CFAP299: variants seen among roughly 807,000 people sequenced by gnomAD.
CFAP299 encodes the protein cilia and flagella associated protein 299.
In CFAP299, 21 loss-of-function variants were observed where a neutral mutation model predicts 27.0. The observed-to-expected ratio is 0.78, with a 90% confidence interval of 0.55 to 1.12. CFAP299 has a LOEUF of 1.12. CFAP299 is among the 50% of genes most tolerant of loss of function. The pLI, the probability that CFAP299 is intolerant of heterozygous loss-of-function variation, is 0.00. For synonymous variants in CFAP299, 104 were observed against 98.1 expected, an observed-to-expected ratio of 1.06 and a Z score of -0.36; for missense variants, 310 against 276.6, an observed-to-expected ratio of 1.12 and a Z score of -0.86.
chr4:80,934,919 T>C (rs1203719959), intron 4 of CFAP299, among the ~76,000 whole-genome samples: 1 of 152,036 alleles, frequency 6.6e-6, no homozygotes, highest in Non-Finnish European at 1.5e-5. Context: ...TTCTGCTAAC[T>C]CTGAGTTTAG....
At chr4:80,693,747 C>A (rs1479701287) in intron 3 of CFAP299, among the ~76,000 whole-genome samples, 1 of 151,334 alleles carries the variant, frequency 6.6e-6, no homozygotes, top group East Asian at 1.9e-4. Context: ...ACTGAGTGAT[C>A]TAAGCGTGGC....
intron 3 of CFAP299, among the ~76,000 whole-genome samples, chr4:80,584,135 A>G (rs1170985434): frequency 6.6e-6 from 1 of 152,036 alleles, no homozygotes; most frequent in Non-Finnish European, 1.5e-5. Flanking sequence ...GAGGTTTTAA[A>G]AGGGTGAGGA....
rs1276328253 is a variant in CFAP299, at chr4:80,879,580, ATTTGTT to A, written c.476+9449_476+9454del. Among the ~76,000 whole-genome samples, 8 of 152,280 alleles carry A rather than the reference ATTTGTT, an allele frequency of 5.3e-5. No individual in the cohort carries two copies. In the East Asian group the frequency reaches 1.3e-3, roughly 26 times the overall value. ...CTAAAAATCTCATCTCTGTATTTTC[ATTTGTT>A]TTTAACACTCGGCATTTTTACTTTC... is the stretch of plus-strand genomic sequence containing the variant. On this transcript the variant is annotated intron_variant, in intron 4 of 5. Coordinates refer to ENST00000358105, the MANE Select transcript of CFAP299 (RefSeq NM_152770.3).
At chr4:80,579,340 G>A (rs1334385445) in intron 2 of CFAP299, among the ~76,000 whole-genome samples, 1 of 152,164 alleles carries the variant, frequency 6.6e-6, no homozygotes, top group Non-Finnish European at 1.5e-5. Flanking sequence ...TTAGTGACAT[G>A]AACATAACTA....
intron 3 of CFAP299, among the ~76,000 whole-genome samples, chr4:80,753,766 C>A (rs146832554): frequency 3.9e-5 from 6 of 152,244 alleles, no homozygotes; most frequent in Admixed American, 3.3e-4. Context: ...TATGTCAAAT[C>A]TAACGAGGAA....
At chr4:80,787,650 A>G (rs567206472) in intron 3 of CFAP299, among the ~76,000 whole-genome samples, 11 of 152,122 alleles carry the variant, frequency 7.2e-5, no homozygotes, top group Admixed American at 6.6e-5. Flanking sequence ...AGCCCTTTTT[A>G]TAGTAGGTCC....
In CFAP299 at chr4:80,577,696, C is replaced by T. The variant is rs192268400; in HGVS notation, c.243-5397C>T. 7.2e-3 allele frequency among the ~76,000 whole-genome samples: 1,089 copies of T among 152,076 alleles called. 6 individuals carry two copies. Among genetic ancestry groups the T allele is most frequent in the Non-Finnish European group, 0.012 (835 of 67,982 alleles). ...GATTACAGGCATGAGCCATCACGCC[C>T]GACCTAGAAAACATCTTAATGATTA... On this transcript the variant is annotated intron_variant, in intron 2 of 5. Coordinates refer to ENST00000358105, the MANE Select transcript of CFAP299 (RefSeq NM_152770.3).
At chr4:80,395,452 G>A (rs1288339795) in intron 2 of CFAP299, among the ~76,000 whole-genome samples, 1 of 152,010 alleles carries the variant, frequency 6.6e-6, no homozygotes, top group Non-Finnish European at 1.5e-5. Flanking sequence ...GGATAGAAGT[G>A]GCAAGAGTGG....
At chr4:80,608,946 A>T (rs1344883194) in intron 3 of CFAP299, among the ~76,000 whole-genome samples, 2 of 151,952 alleles carry the variant, frequency 1.3e-5, no homozygotes, top group South Asian at 4.1e-4. Flanking sequence ...AAAATGTTAG[A>T]TGAAAACATT....
At chr4:80,455,407 A>G (rs373475066) in intron 2 of CFAP299, among the ~76,000 whole-genome samples, 10 of 152,232 alleles carry the variant, frequency 6.6e-5, no homozygotes, top group East Asian at 5.8e-4. Context: ...AATGAAACAG[A>G]TACTTATTCG....
chr4:80,651,252 T>A (rs889728343), intron 3 of CFAP299, among the ~76,000 whole-genome samples: 1 of 150,056 alleles, frequency 6.7e-6, no homozygotes, highest in Non-Finnish European at 1.5e-5. Context: ...CCTTCCTTCC[T>A]TCCTTCCTTT....
chr4:80,929,046 C>A (rs1736443995), intron 4 of CFAP299, among the ~76,000 whole-genome samples: 1 of 152,146 alleles, frequency 6.6e-6, no homozygotes, highest in Non-Finnish European at 1.5e-5. Context: ...AACAAAAGGT[C>A]AGACATGCTT....
chr4:80,432,700 T>G (rs556672153), intron 2 of CFAP299, among the ~76,000 whole-genome samples: 9 of 151,662 alleles, frequency 5.9e-5, no homozygotes, highest in Non-Finnish European at 1.0e-4. Flanking sequence ...GCCTGGCTAA[T>G]TTTTTGTATT....
At chr4:80,416,121 T>C (rs1726989626) in intron 2 of CFAP299, among the ~76,000 whole-genome samples, 2 of 152,210 alleles carry the variant, frequency 1.3e-5, no homozygotes, top group Admixed American at 6.5e-5. Context: ...CAAATTGTTA[T>C]TAGTATACAT....
chr4:80,624,091 A>G (rs1389727810), intron 3 of CFAP299, among the ~76,000 whole-genome samples: 1 of 152,172 alleles, frequency 6.6e-6, no homozygotes, highest in East Asian at 1.9e-4. Context: ...CATGACTACA[A>G]ATATCAAGAA....
chr4:80,852,732 C>G (rs1731595502), intron 3 of CFAP299, among the ~76,000 whole-genome samples: 1 of 152,150 alleles, frequency 6.6e-6, no homozygotes, highest in Non-Finnish European at 1.5e-5. Context: ...TTTAATTCAT[C>G]ATAGTTGGCC....
At chr4:80,916,291 A>ATATATG (rs1317592155) in intron 4 of CFAP299, among the ~76,000 whole-genome samples, 1 of 122,802 alleles carries the variant, frequency 8.1e-6, no homozygotes, top group Non-Finnish European at 1.7e-5. Flanking sequence ...ATATATATAT[A>ATATATG]TATATTTCAG....
At position 80,410,875 on chromosome 4, in the gene CFAP299, T is replaced by C. The variant is rs1327135789; in HGVS notation, c.242+47991T>C. 2.6e-5 allele frequency among the ~76,000 whole-genome samples: 4 copies of C among 152,248 alleles called. No homozygotes were observed. The South Asian group carries it at 8.3e-4, about 32-fold the overall frequency. Reference sequence around the variant, plus strand: ...TTTTTTCTATTCTAGGAAGAAGTTGTACATATTTAGAAACATCCTTCCTTA... The same window carrying C: ...TTTTTTCTATTCTAGGAAGAAGTTGCACATATTTAGAAACATCCTTCCTTA... On this transcript the variant is annotated intron_variant, in intron 2 of 5. Transcript: ENST00000358105.
intron 4 of CFAP299, among the ~76,000 whole-genome samples, chr4:80,937,298 CT>C (rs1203322592): frequency 8.5e-4 from 80 of 94,334 alleles, no homozygotes; most frequent in Admixed American, 2.5e-3. Context: ...TTTCTTTTTT[CT>C]TTTTTTTTCT....
Sources: allele counts gnomAD v4.1 joint callset (sites outside exome capture counted in the v4.1 genomes callset), GRCh38; gene constraint gnomAD v4.1.1; transcripts MANE v1.5; gene names NCBI Gene and HGNC (gene_info 2026-07-23, HGNC 2026-07-21).